The following FOXO3 variants were observed in gnomAD, a reference collection of about 807,000 sequenced individuals.
The protein encoded by FOXO3 is forkhead box O3, also known as forkhead box protein O3.
Under a neutral mutation model 41.9 loss-of-function variants are expected in FOXO3, and 4 were observed. That is an observed-to-expected ratio of 0.10 (90% CI 0.05 to 0.22). The LOEUF (loss-of-function observed/expected upper bound fraction) is 0.22, where lower values mean the gene tolerates loss of function less well. Among genes scored for constraint, FOXO3 ranks in the 10% least tolerant of loss-of-function variants. The pLI, the probability that FOXO3 is intolerant of heterozygous loss-of-function variation, is 1.00. For missense variants in FOXO3, 534 were observed against 906.8 expected, an observed-to-expected ratio of 0.59 and a Z score of 5.28; for synonymous variants, 318 against 389.3, an observed-to-expected ratio of 0.82 and a Z score of 2.16.
chr6:108,646,264 G>A (rs1778390256), intron 1 of FOXO3, among the ~76,000 whole-genome samples: 1 of 152,188 alleles, frequency 6.6e-6, no homozygotes, highest in Non-Finnish European at 1.5e-5. Context: ...AAGTCACATA[G>A]CCACATCTAA....
chr6:108,670,419 A>G (rs891257589), intron 2 of FOXO3, among the ~76,000 whole-genome samples: 4 of 151,634 alleles, frequency 2.6e-5, no homozygotes, highest in East Asian at 3.9e-4. Context: ...CTGTAAGTCA[A>G]TGTTTCTCAA....
intron 1 of FOXO3, among the ~76,000 whole-genome samples, chr6:108,572,909 C>G (rs1292764188): frequency 6.6e-6 from 1 of 152,062 alleles, no homozygotes; most frequent in East Asian, 1.9e-4. Flanking sequence ...ACCCAGGGCT[C>G]TCTGACTTGG....
At chr6:108,606,865 G>A (rs1435329583) in intron 1 of FOXO3, among the ~76,000 whole-genome samples, 1 of 152,174 alleles carries the variant, frequency 6.6e-6, no homozygotes, top group Non-Finnish European at 1.5e-5. Flanking sequence ...ACAGGAGGGG[G>A]TGAGGATGGG....
At chr6:108,611,681 A>G (rs887328219) in intron 1 of FOXO3, among the ~76,000 whole-genome samples, 2 of 146,736 alleles carry the variant, frequency 1.4e-5, no homozygotes, top group South Asian at 2.1e-4. Flanking sequence ...TGACGTGTCT[A>G]TTGAAATCTT....
At chr6:108,560,896 A>G (rs979445806), upstream of FOXO3, 32 of 1,127,866 alleles carry the variant, frequency 2.8e-5, no homozygotes, top group Non-Finnish European at 3.4e-5. Context: ...TCGCGGCTCC[A>G]TCGCGGCCTG....
Position 108,664,769 on chromosome 6 carries a change from A to T in FOXO3, c.1936A>T (p.Ile646Phe), listed in dbSNP as rs1779000529. The change falls in exon 2 of 3, where the codon ATC becomes TTC. Residue 646 changes from isoleucine to phenylalanine, a missense_variant. By Grantham distance (21) the Ile-to-Phe change is conservative. Coordinates refer to ENST00000406360, the MANE Select transcript of FOXO3 (RefSeq NM_001455.4). ...DGLDFNFDSL[I>F]STQNVVGLNV... ...GTTGGATTTTAACTTTGATTCCCTC[A>T]TCTCCACACAGAATGTTGTTGGTTT... is the stretch of plus-strand genomic sequence containing the variant. 2.1e-6 allele frequency: 3 copies of T among 1,449,550 alleles called. No homozygotes were observed. The East Asian group carries it at 6.8e-5, about 33-fold the overall frequency. The allele number at this position is 1,449,550 out of a possible 1,614,324, so 89.8% of individuals were successfully genotyped here.
intron 1 of FOXO3, among the ~76,000 whole-genome samples, chr6:108,631,483 G>A (rs567631882): frequency 1.3e-5 from 2 of 152,172 alleles, no homozygotes; most frequent in Non-Finnish European, 2.9e-5. Context: ...TTTCTAGGAG[G>A]TGGAGGGAGG....
chr6:108,652,294 G>A (rs1778566438), intron 1 of FOXO3, among the ~76,000 whole-genome samples: 1 of 152,218 alleles, frequency 6.6e-6, no homozygotes, highest in Non-Finnish European at 1.5e-5. Context: ...TTTGAGGTCT[G>A]TCTGAGAAAA....
At chr6:108,632,161 A>AT (rs921742393) in intron 1 of FOXO3, among the ~76,000 whole-genome samples, 2 of 152,240 alleles carry the variant, frequency 1.3e-5, no homozygotes, top group African/African-American at 4.8e-5. Flanking sequence ...AAAATAAAAA[A>AT]TATTAGTGAG....
intron 1 of FOXO3, chr6:108,617,943 G>GA (rs574189278): frequency 4.4e-4 from 206 of 466,988 alleles, no homozygotes; most frequent in Middle Eastern, 3.2e-3. Context: ...TTCTACTTGA[G>GA]AAGGTAATCG....
At chr6:108,605,123 C>CT (rs71714857) in intron 1 of FOXO3, among the ~76,000 whole-genome samples, 14,228 of 151,400 alleles carry the variant, frequency 0.094, 789 homozygotes, top group South Asian at 0.24. Flanking sequence ...ACTAACTTTT[C>CT]TTTTTTTTTC....
At chr6:108,605,458 A>T (rs1185364561) in intron 1 of FOXO3, among the ~76,000 whole-genome samples, 1 of 152,086 alleles carries the variant, frequency 6.6e-6, no homozygotes, top group Non-Finnish European at 1.5e-5. Flanking sequence ...TTTGAAAACT[A>T]TTAATAATTT....
chr6:108,595,396 A>G (rs1338724369), intron 1 of FOXO3, among the ~76,000 whole-genome samples: 1 of 152,212 alleles, frequency 6.6e-6, no homozygotes, highest in African/African-American at 2.4e-5. Flanking sequence ...GGGGCTTATG[A>G]TATTGAATTC....
chr6:108,653,492 C>T (rs893717404), intron 1 of FOXO3, among the ~76,000 whole-genome samples: 1 of 152,170 alleles, frequency 6.6e-6, no homozygotes, highest in Non-Finnish European at 1.5e-5. Flanking sequence ...GCTCTGTTGA[C>T]ACTTAGGAGC....
intron 1 of FOXO3, among the ~76,000 whole-genome samples, chr6:108,572,151 T>C (rs2128357319): frequency 6.6e-6 from 1 of 152,358 alleles, no homozygotes; most frequent in South Asian, 2.1e-4. Context: ...GATTGTGGAC[T>C]TGAGGTTTAC....
At chr6:108,562,100 G>A (rs1301199448) in intron 1 of FOXO3, among the ~76,000 whole-genome samples, 1 of 152,118 alleles carries the variant, frequency 6.6e-6, no homozygotes, top group African/African-American at 2.4e-5. Context: ...AAGGGCGAAC[G>A]GACAGGAGTA....
chr6:108,562,120 G>A (rs1433507297), intron 1 of FOXO3, among the ~76,000 whole-genome samples: 1 of 152,098 alleles, frequency 6.6e-6, no homozygotes. Context: ...ACATTTGCTG[G>A]ATTCTCCGGA....
At chr6:108,625,738 A>G (rs1777796863) in intron 1 of FOXO3, among the ~76,000 whole-genome samples, 1 of 152,126 alleles carries the variant, frequency 6.6e-6, no homozygotes, top group Non-Finnish European at 1.5e-5. Context: ...ACCACCTGCC[A>G]GCTGTGTGGC....
At chr6:108,574,674 T>C (rs1776212980) in intron 1 of FOXO3, among the ~76,000 whole-genome samples, 1 of 152,188 alleles carries the variant, frequency 6.6e-6, no homozygotes, top group African/African-American at 2.4e-5. Context: ...CAGGTTAGTG[T>C]TTATCTCTAC....
Sources: allele counts gnomAD v4.1 joint callset (sites outside exome capture counted in the v4.1 genomes callset), GRCh38; gene constraint gnomAD v4.1.1; transcripts MANE v1.5; gene names NCBI Gene and HGNC (gene_info 2026-07-23, HGNC 2026-07-21).